KANK1: variants seen among roughly 807,000 people sequenced by gnomAD.
The protein encoded by KANK1 is KN motif and ankyrin repeat domain-containing protein 1.
Under a neutral mutation model 106.2 loss-of-function variants are expected in KANK1, and 109 were observed. The observed-to-expected ratio is 1.03, with a 90% CI of 0.88 to 1.20. KANK1 has a LOEUF of 1.20. KANK1 is among the 50% of genes most tolerant of loss of function. The probability of loss-of-function intolerance (pLI) is 0.00; values close to 1 mark genes in which losing one functional copy is unlikely to be tolerated. For synonymous variants in KANK1, 873 were observed against 652.2 expected (o/e 1.34, Z -5.16); for missense variants, 2,399 against 1,710.7 (o/e 1.40, Z -7.10).
At chr9:666,901 C>CTTTTTTTTTTTTTTT (rs35149316) in intron 1 of KANK1, among the ~76,000 whole-genome samples, 2 of 53,494 alleles carry the variant, frequency 3.7e-5, no homozygotes, top group Non-Finnish European at 6.3e-5. Flanking sequence ...CTATTGTTGT[C>CTTTTTTTTTTTTTTT]TTTTTTTTTT....
intron 1 of KANK1, among the ~76,000 whole-genome samples, chr9:582,058 TCCCCCTGC>T (rs1822296339): frequency 6.6e-6 from 1 of 151,926 alleles, no homozygotes; most frequent in Non-Finnish European, 1.5e-5. Flanking sequence ...ACATTGGAAC[TCCCCCTGC>T]CCCAGAGTTG....
intron 1 of KANK1, among the ~76,000 whole-genome samples, chr9:528,132 G>A (rs1297866320): frequency 2.0e-5 from 3 of 147,630 alleles, no homozygotes; most frequent in Non-Finnish European, 3.0e-5. Flanking sequence ...GCGAGACTCC[G>A]TCTCGGGAAA....
At chr9:660,977 A>G (rs1843165374) in intron 1 of KANK1, among the ~76,000 whole-genome samples, 1 of 152,196 alleles carries the variant, frequency 6.6e-6, no homozygotes, top group African/African-American at 2.4e-5. Context: ...ACAAGGGAAC[A>G]AATCTCAAAA....
chr9:483,028 C>T (rs1277440223), intron 3 of KANK1, among the ~76,000 whole-genome samples: 1 of 152,176 alleles, frequency 6.6e-6, no homozygotes, highest in Non-Finnish European at 1.5e-5. Context: ...CGCAGCATCA[C>T]AGTGCTTGCG....
Position 588,173 on chromosome 9 carries a change from C to T in KANK1, c.-84+83419C>T, listed in dbSNP as rs562815060. On this transcript the variant is annotated intron_variant, in intron 1 of 11. Coordinates refer to ENST00000382297, the MANE Select transcript of KANK1 (RefSeq NM_015158.5). Reference sequence around the variant, plus strand: ...ACCAGTGAGATACCAAAGCCCATATCAGTGGGCTTTTTTACATACTTCTTT... The same window carrying T: ...ACCAGTGAGATACCAAAGCCCATATTAGTGGGCTTTTTTACATACTTCTTT... Among the ~76,000 whole-genome samples, 38 of 152,066 alleles carry T rather than the reference C, an allele frequency of 2.5e-4. 2 individuals are homozygous for T. The South Asian group carries it at 7.5e-3, about 30-fold the overall frequency.
At chr9:656,593 A>G (rs563278521) in intron 1 of KANK1, among the ~76,000 whole-genome samples, 9 of 152,158 alleles carry the variant, frequency 5.9e-5, no homozygotes, top group African/African-American at 2.2e-4. Flanking sequence ...CCCATTTTTA[A>G]AGGACATCTC....
At chr9:607,680 A>G (rs1187438295) in intron 1 of KANK1, among the ~76,000 whole-genome samples, 1 of 151,670 alleles carries the variant, frequency 6.6e-6, no homozygotes, top group Non-Finnish European at 1.5e-5. Flanking sequence ...CCAGCCCAGC[A>G]GCAGAGTGCT....
intron 10 of KANK1, 86 bp from the exon 11 acceptor site, chr9:744,405 T>C (rs1448513741): frequency 1.4e-6 from 2 of 1,456,056 alleles, no homozygotes; most frequent in Middle Eastern, 2.4e-4. Context: ...TTGCCAATTA[T>C]TGGAGGGTGT....
chr9:517,159 G>T (rs2059319436), intron 1 of KANK1, among the ~76,000 whole-genome samples: 2 of 151,816 alleles, frequency 1.3e-5, no homozygotes, highest in Non-Finnish European at 2.9e-5. Context: ...ACCCAGGCTG[G>T]AGTGCAGTGG....
intron 1 of KANK1, among the ~76,000 whole-genome samples, chr9:561,824 A>G (rs1343112802): frequency 6.6e-6 from 1 of 152,234 alleles, no homozygotes. Flanking sequence ...ACTGTTAAAG[A>G]AAACTGTCAA....
At position 536,954 on chromosome 9, in the gene KANK1, A is replaced by G. The variant is rs116875094; in HGVS notation, c.-84+32200A>G. Reference sequence around the variant, plus strand: ...CTGTTCCACCTGGCTGGCAGCACGCACCTTGCAGGTCAGGTGTGAGATGAG... The same window carrying G: ...CTGTTCCACCTGGCTGGCAGCACGCGCCTTGCAGGTCAGGTGTGAGATGAG... On this transcript the variant is annotated intron_variant, in intron 1 of 11. Transcript: ENST00000382297. Among the ~76,000 whole-genome samples, 143 of 152,254 alleles carry G rather than the reference A, an allele frequency of 9.4e-4. 3 individuals are homozygous for G. The East Asian group carries it at 0.024, about 26-fold the overall frequency.
chr9:529,760 G>T (rs1233475600), intron 1 of KANK1, among the ~76,000 whole-genome samples: 1 of 152,146 alleles, frequency 6.6e-6, no homozygotes, highest in Admixed American at 6.5e-5. Flanking sequence ...AACTTTGTAC[G>T]TGTATTATGC....
chr9:701,543 G>A (rs113640745), intron 2 of KANK1, among the ~76,000 whole-genome samples: 7 of 152,288 alleles, frequency 4.6e-5, no homozygotes, highest in Admixed American at 1.3e-4. Flanking sequence ...GGGAAGGAGG[G>A]CCTGTCTTGT....
chr9:686,931 G>A (rs1346899672), intron 2 of KANK1: 2 of 985,066 alleles, frequency 2.0e-6, no homozygotes, highest in African/African-American at 3.5e-5. Context: ...GGTAAAGGGG[G>A]CTTAGGGCTG....
chr9:649,601 A>G (rs981070342), intron 1 of KANK1, among the ~76,000 whole-genome samples: 1 of 152,206 alleles, frequency 6.6e-6, no homozygotes, highest in African/African-American at 2.4e-5. Flanking sequence ...AAACGAAAGC[A>G]TGTGTTTGTT....
chr9:673,724 T>G (rs1364287128), intron 1 of KANK1: 2 of 152,124 alleles, frequency 1.3e-5, no homozygotes, highest in African/African-American at 4.8e-5. Context: ...TGGGCACATC[T>G]CCATCCAAAT....
intron 1 of KANK1, among the ~76,000 whole-genome samples, chr9:655,576 A>G (rs1841963991): frequency 1.3e-5 from 2 of 152,126 alleles, no homozygotes; most frequent in Admixed American, 6.5e-5. Flanking sequence ...AGGGCCCAAA[A>G]TGCTGCTTTT....
At position 742,216 on chromosome 9, in the gene KANK1, G is replaced by T. The variant is rs536447962; in HGVS notation, c.3708G>T (p.Thr1236=). The change falls in exon 10 of 12, where the codon ACG becomes ACT. Residue 1236 remains threonine, a synonymous_variant. Coordinates refer to ENST00000382297, the MANE Select transcript of KANK1 (RefSeq NM_015158.5). ...VNAKASQAGQ[T]ALMLAVSHGR... ...ATCTCTTCCCATAGGCGGGACAGACGGCCCTCATGCTGGCGGTCAGTCACG... is the reference window on the plus strand; with the variant it reads ...ATCTCTTCCCATAGGCGGGACAGACTGCCCTCATGCTGGCGGTCAGTCACG... 5 of 1,613,916 alleles carry T rather than the reference G, an allele frequency of 3.1e-6. No individual in the cohort carries two copies. In the East Asian group the frequency reaches 8.9e-5, roughly 29 times the overall value.
At chr9:710,626 A>AAAG (rs1825734082) in intron 2 of KANK1, among the ~76,000 whole-genome samples, 178 bp from the exon 3 acceptor site, 1 of 126,016 alleles carries the variant, frequency 7.9e-6, no homozygotes, top group African/African-American at 4.5e-5. Flanking sequence ...AAAAAAAAAA[A>AAAG]AAACAAAAAA....
Sources: allele counts gnomAD v4.1 joint callset (sites outside exome capture counted in the v4.1 genomes callset), GRCh38; gene constraint gnomAD v4.1.1; transcripts MANE v1.5; gene names NCBI Gene and HGNC (gene_info 2026-07-23, HGNC 2026-07-21).